OPHN1: variants seen among roughly 807,000 people sequenced by gnomAD.
OPHN1 encodes the protein oligophrenin-1.
Under a neutral mutation model 60.7 loss-of-function variants are expected in OPHN1, and 11 were observed. The ratio of observed to expected loss-of-function variants is 0.18; its 90% confidence interval spans 0.11 to 0.30. OPHN1 has a LOEUF of 0.30. Ranked by LOEUF, OPHN1 falls within the 10% of genes least tolerant of loss-of-function variation. OPHN1 has a pLI of 1.00. For synonymous variants in OPHN1, 226 were observed against 222.6 expected (o/e 1.02, Z -0.14); for missense variants, 449 against 611.0 (o/e 0.73, Z 2.80).
intron 16 of OPHN1, among the ~76,000 whole-genome samples, chrX:68,117,807 G>A (rs911081413): frequency 1.8e-5 from 2 of 111,444 alleles, no homozygotes; most frequent in Admixed American, 9.5e-5. Context: ...TGAGAGTCTC[G>A]AGAACAAATA....
intron 2 of OPHN1, among the ~76,000 whole-genome samples, chrX:68,379,159 A>T (rs2078579896): frequency 9.0e-6 from 1 of 110,696 alleles, no homozygotes; most frequent in African/African-American, 3.3e-5. Flanking sequence ...GTCCCTTGTA[A>T]GTTGGATTCC....
At chrX:68,176,411 C>T (rs2077414320) in intron 15 of OPHN1, among the ~76,000 whole-genome samples, 1 of 111,268 alleles carries the variant, frequency 9.0e-6, no homozygotes. Context: ...ATAAATAGCC[C>T]GTGAGCACAT....
Position 68,048,421 on chromosome X carries a change from G to A in OPHN1, c.*3C>T, listed in dbSNP as rs1328041780. On this transcript the variant is annotated 3_prime_UTR_variant, in exon 24 of 25. Transcript: ENST00000355520. ...CAGGGATGGGGACTGCATACCTGTA[G>A]CCTCAACTTTCATCTCCAGGAAGTC... 2 of 1,207,323 alleles carry A rather than the reference G, an allele frequency of 1.7e-6. No homozygotes were observed. Among genetic ancestry groups the A allele is most frequent in the African/African-American group, 3.5e-5 (2 of 57,032 alleles).
intron 2 of OPHN1, among the ~76,000 whole-genome samples, chrX:68,384,908 G>A (rs1164603601): frequency 1.8e-5 from 2 of 110,562 alleles, no homozygotes; most frequent in Non-Finnish European, 3.8e-5. Flanking sequence ...GTCTCCGGGG[G>A]AAGGTTGGGA....
At chrX:68,275,987 C>T (rs1254082427) in intron 4 of OPHN1, among the ~76,000 whole-genome samples, 1 of 110,805 alleles carries the variant, frequency 9.0e-6, no homozygotes, top group African/African-American at 3.3e-5. Flanking sequence ...GCTCCTAATG[C>T]TATCATCCAG....
intron 2 of OPHN1, among the ~76,000 whole-genome samples, chrX:68,370,796 G>T (rs1485623033): frequency 9.0e-6 from 1 of 110,968 alleles, no homozygotes; most frequent in African/African-American, 3.3e-5. Flanking sequence ...TGTGAAGTTG[G>T]TATCAATTCA....
At chrX:68,207,361 G>A in intron 9 of OPHN1, among the ~76,000 whole-genome samples, 1 of 110,198 alleles carries the variant, frequency 9.1e-6, no homozygotes, top group Admixed American at 9.7e-5. Context: ...TTGATCTCCT[G>A]ACCTCGTGAT....
At chrX:68,145,551 C>A (rs1412307809) in intron 15 of OPHN1, among the ~76,000 whole-genome samples, 1 of 111,510 alleles carries the variant, frequency 9.0e-6, no homozygotes, top group East Asian at 2.8e-4. Flanking sequence ...GAAGCAAACA[C>A]CCATGTACTA....
At chrX:68,299,585 A>T (rs1197724990) in intron 2 of OPHN1, among the ~76,000 whole-genome samples, 1 of 111,363 alleles carries the variant, frequency 9.0e-6, no homozygotes, top group Non-Finnish European at 1.9e-5. Flanking sequence ...TACAGGTACC[A>T]CCTGGACATT....
chrX:68,217,797 A>C (rs2077622371), intron 6 of OPHN1, among the ~76,000 whole-genome samples: 1 of 102,112 alleles, frequency 9.8e-6, no homozygotes, highest in South Asian at 5.0e-4. Flanking sequence ...ATCATCAAAC[A>C]CCAAAAGTAG....
In OPHN1 at chrX:68,287,383, C is replaced by T. The variant is rs1217569993; in HGVS notation, c.251-4266G>A. 3.8e-5 allele frequency among the ~76,000 whole-genome samples: 4 copies of T among 104,729 alleles called. No individual in the cohort carries two copies. In the East Asian group the frequency reaches 1.2e-3, roughly 31 times the overall value. 90.9% of individuals were successfully genotyped at this position (104,729 alleles called of 115,157 possible). On this transcript the variant is annotated intron_variant, in intron 3 of 24. Transcript: ENST00000355520. The stretch of plus-strand genomic sequence containing the variant: ...CACAAGTGGGTTGCAGTGACTCATG[C>T]CTTTAATCTCAGAGGCCAAGGCAGG...
chrX:68,310,464 T>A (rs758704391), intron 2 of OPHN1, among the ~76,000 whole-genome samples: 1 of 109,430 alleles, frequency 9.1e-6, no homozygotes, highest in Non-Finnish European at 1.9e-5. Flanking sequence ...TAAGAACACC[T>A]CTATAACCCA....
chrX:68,360,709 G>C (rs1376240647), intron 2 of OPHN1, among the ~76,000 whole-genome samples: 1 of 110,971 alleles, frequency 9.0e-6, no homozygotes, highest in Non-Finnish European at 1.9e-5. Context: ...CTTGAGCCCG[G>C]GAGGTGGGGG....
intron 19 of OPHN1, among the ~76,000 whole-genome samples, chrX:68,090,330 T>C (rs1042040850): frequency 7.3e-5 from 8 of 110,194 alleles, no homozygotes; most frequent in African/African-American, 2.6e-4. Context: ...AATATAAATC[T>C]ATACAGTAAA....
chrX:68,301,466 A>C (rs2147630985), intron 2 of OPHN1, among the ~76,000 whole-genome samples: 1 of 107,399 alleles, frequency 9.3e-6, no homozygotes, highest in Non-Finnish European at 1.9e-5. Context: ...AAAAAAAAAA[A>C]AGAACAAGCA....
intron 2 of OPHN1, among the ~76,000 whole-genome samples, chrX:68,311,165 G>A (rs1041591082): frequency 1.8e-5 from 2 of 111,468 alleles, no homozygotes; most frequent in African/African-American, 3.3e-5. Flanking sequence ...TAAGGTGGTT[G>A]GAGGGAAGTT....
chrX:68,244,277 T>A (rs2077795263), intron 5 of OPHN1, among the ~76,000 whole-genome samples: 1 of 112,676 alleles, frequency 8.9e-6, no homozygotes, highest in South Asian at 3.7e-4. Context: ...CTGTCCATTA[T>A]GACTCCTTCT....
chrX:68,088,802 A>C (rs1459595437), intron 19 of OPHN1, among the ~76,000 whole-genome samples: 1 of 110,843 alleles, frequency 9.0e-6, no homozygotes, highest in Non-Finnish European at 1.9e-5. Flanking sequence ...TGAGGGAAAC[A>C]AGGCTCAGGG....
intron 19 of OPHN1, among the ~76,000 whole-genome samples, chrX:68,083,367 C>T (rs1415307412): frequency 4.5e-5 from 5 of 110,496 alleles, no homozygotes; most frequent in East Asian, 5.8e-4. Context: ...CCACCGCGCC[C>T]GGCCTCAACC....
Sources: gnomAD v4.1 joint callset for allele counts (sites outside exome capture counted in the v4.1 genomes callset) on GRCh38, gnomAD v4.1.1 for gene constraint, MANE v1.5 for transcripts, NCBI Gene and HGNC (gene_info 2026-07-23, HGNC 2026-07-21) for gene names.